The following DNER variants were observed in gnomAD, a reference collection of about 807,000 sequenced individuals.
DNER encodes the protein delta and Notch-like epidermal growth factor-related receptor.
In DNER, 33 loss-of-function variants were observed where a neutral mutation model predicts 78.2. The ratio of observed to expected loss-of-function variants is 0.42; its 90% CI spans 0.32 to 0.56. The LOEUF is 0.56. Ranked by LOEUF, DNER falls within the 20% of genes least tolerant of loss-of-function variation. The pLI, the probability that DNER is intolerant of heterozygous loss-of-function variation, is 0.11. For missense variants in DNER, 918 were observed against 975.3 expected (o/e 0.94, Z 0.78); for synonymous variants, 417 against 384.8 (o/e 1.08, Z -0.98).
intron 6 of DNER, among the ~76,000 whole-genome samples, chr2:229,496,167 G>C (rs1003802782): frequency 6.6e-6 from 1 of 152,142 alleles, no homozygotes; most frequent in African/African-American, 2.4e-5. Flanking sequence ...ACTCCTCTTA[G>C]ATTTTCTTGC....
At chr2:229,601,738 C>T (rs1697829816) in intron 1 of DNER, among the ~76,000 whole-genome samples, 2 of 152,118 alleles carry the variant, frequency 1.3e-5, no homozygotes, top group South Asian at 4.1e-4. Flanking sequence ...CTTTTTCATG[C>T]TGTCTCTTTA....
chr2:229,619,805 G>A (rs1315568291), intron 1 of DNER, among the ~76,000 whole-genome samples: 1 of 152,138 alleles, frequency 6.6e-6, no homozygotes, highest in Non-Finnish European at 1.5e-5. Flanking sequence ...AAATAATAGT[G>A]AATATAAACT....
intron 12 of DNER, among the ~76,000 whole-genome samples, chr2:229,361,996 G>T (rs1445772328): frequency 6.6e-6 from 1 of 152,148 alleles, no homozygotes; most frequent in African/African-American, 2.4e-5. Flanking sequence ...CACAGACCAT[G>T]ACACTTGGGA....
chr2:229,441,865 C>T (rs1312841254), intron 8 of DNER, among the ~76,000 whole-genome samples: 1 of 152,190 alleles, frequency 6.6e-6, no homozygotes, highest in Non-Finnish European at 1.5e-5. Context: ...TCCTAACGAC[C>T]TCAAGGTCTA....
At chr2:229,424,897 A>G (rs1200750659) in intron 8 of DNER, among the ~76,000 whole-genome samples, 1 of 152,126 alleles carries the variant, frequency 6.6e-6, no homozygotes, top group Non-Finnish European at 1.5e-5. Flanking sequence ...TTCCAATAAT[A>G]CCATCCTTCC....
intron 8 of DNER, among the ~76,000 whole-genome samples, chr2:229,419,597 A>G (rs1008473738): frequency 6.6e-6 from 1 of 152,216 alleles, no homozygotes; most frequent in Non-Finnish European, 1.5e-5. Flanking sequence ...CATTATTAAC[A>G]GAGCACTTTT....
intron 1 of DNER, among the ~76,000 whole-genome samples, chr2:229,682,260 C>G (rs1699399532): frequency 6.6e-6 from 1 of 152,202 alleles, no homozygotes; most frequent in Admixed American, 6.5e-5. Context: ...CTGAAACTTC[C>G]TAAGAAACCT....
At chr2:229,438,966 G>A (rs527448577) in intron 8 of DNER, among the ~76,000 whole-genome samples, 1 of 152,200 alleles carries the variant, frequency 6.6e-6, no homozygotes, top group Non-Finnish European at 1.5e-5. Context: ...GGCTCCAGCA[G>A]GTCCCAATTG....
chr2:229,630,527 C>A (rs568960243), intron 1 of DNER, among the ~76,000 whole-genome samples: 2 of 143,706 alleles, frequency 1.4e-5, no homozygotes, highest in African/African-American at 5.0e-5. Flanking sequence ...ATAATAAAAT[C>A]TTCTGGCAGA....
chr2:229,390,111 T>TGTCA (rs1297446496), intron 10 of DNER, among the ~76,000 whole-genome samples: 2 of 152,220 alleles, frequency 1.3e-5, no homozygotes, highest in African/African-American at 4.8e-5. Context: ...CAAGTATATA[T>TGTCA]GTCAGTACTA....
chr2:229,547,940 A>G (rs1328588973), intron 4 of DNER, among the ~76,000 whole-genome samples: 1 of 152,254 alleles, frequency 6.6e-6, no homozygotes, highest in Non-Finnish European at 1.5e-5. Context: ...AATTATTTTC[A>G]CTAAGTGAGC....
At chr2:229,391,022 T>TA (rs1177271657) in intron 10 of DNER, among the ~76,000 whole-genome samples, 2 of 152,112 alleles carry the variant, frequency 1.3e-5, no homozygotes, top group Non-Finnish European at 2.9e-5. Context: ...TGGCTGGCAA[T>TA]AGGAGCATGA....
chr2:229,703,363 T>C (rs576650348), intron 1 of DNER, among the ~76,000 whole-genome samples: 1 of 152,238 alleles, frequency 6.6e-6, no homozygotes, highest in South Asian at 2.1e-4. Context: ...GAACGAAAAC[T>C]ACCCATACAT....
At chr2:229,439,487 C>T (rs1211312709) in intron 8 of DNER, among the ~76,000 whole-genome samples, 1 of 152,140 alleles carries the variant, frequency 6.6e-6, no homozygotes, top group Non-Finnish European at 1.5e-5. Context: ...CACAGCTGTT[C>T]GGAGGCAAAG....
chr2:229,653,777 T>C (rs754293985), intron 1 of DNER, among the ~76,000 whole-genome samples: 19 of 152,200 alleles, frequency 1.2e-4, no homozygotes, highest in Non-Finnish European at 2.5e-4. Flanking sequence ...CTCACATTCA[T>C]GTAACACATG....
At chr2:229,616,996 G>A (rs1442952761) in intron 1 of DNER, among the ~76,000 whole-genome samples, 2 of 152,142 alleles carry the variant, frequency 1.3e-5, no homozygotes, top group Non-Finnish European at 2.9e-5. Flanking sequence ...ACACCAGAGC[G>A]CATCCACTGA....
At chr2:229,436,005 T>G (rs1694114172) in intron 8 of DNER, among the ~76,000 whole-genome samples, 1 of 152,196 alleles carries the variant, frequency 6.6e-6, no homozygotes, top group African/African-American at 2.4e-5. Flanking sequence ...GTTTTTCATA[T>G]AAGTAAATTA....
At chr2:229,535,008 G>A (rs141536840) in intron 5 of DNER, among the ~76,000 whole-genome samples, 1,807 of 152,028 alleles carry the variant, frequency 0.012, 39 homozygotes, top group African/African-American at 0.041. Flanking sequence ...GCTAATTTCT[G>A]TATTTTTAGT....
At chr2:229,549,528 ACCTCAAGTGATCTCCCCGTCTTGG>A (rs1559163814) in intron 4 of DNER, among the ~76,000 whole-genome samples, 1 of 152,086 alleles carries the variant, frequency 6.6e-6, no homozygotes, top group Non-Finnish European at 1.5e-5. Flanking sequence ...TAAACTCCTG[ACCTCAAGTGATCTCCCCGTCTTGG>A]CCTCCCAAAG....
Sources: allele counts gnomAD v4.1 joint callset (sites outside exome capture counted in the v4.1 genomes callset), GRCh38; gene constraint gnomAD v4.1.1; transcripts MANE v1.5; gene names NCBI Gene and HGNC (gene_info 2026-07-23, HGNC 2026-07-21).